DNM3: variants seen among roughly 807,000 people sequenced by gnomAD.
The protein encoded by DNM3 is dynamin 3, also known as dynamin-3.
DNM3 carries 47 observed loss-of-function variants against 101.6 expected under a neutral mutation model. That is an observed-to-expected ratio of 0.46 (90% CI 0.37 to 0.59). DNM3 has a LOEUF of 0.59. DNM3 is among the 20% of genes least tolerant of loss of function. DNM3 has a pLI of 0.00. For synonymous variants in DNM3, 385 were observed against 387.9 expected (o/e 0.99, Z 0.09); for missense variants, 849 against 1,085.7 (o/e 0.78, Z 3.06).
rs546016361 is a variant in DNM3 at position 172,190,799 on chromosome 1, T to C, written c.1659+59511T>C. Among the ~76,000 whole-genome samples the C allele has an allele frequency of 2.4e-4, 36 of 152,258 alleles. No individual in the cohort carries two copies. The South Asian group carries it at 5.0e-3, about 21-fold the overall frequency. ...GAGCATTTTTTCATGTGTCTGTTGG[T>C]GGCACAAATGTCTTCTTTTGAGAAG... is the stretch of plus-strand genomic sequence containing the variant. On this transcript the variant is annotated intron_variant, in intron 14 of 20. Transcript: ENST00000627582.
At chr1:172,322,433 C>T (rs2065760768) in intron 16 of DNM3, among the ~76,000 whole-genome samples, 1 of 152,174 alleles carries the variant, frequency 6.6e-6, no homozygotes, top group South Asian at 2.1e-4. Context: ...ACTTGGGCTG[C>T]CCCGGGAGTA....
rs563878753 is a variant in DNM3, at chr1:172,312,591, G to T, written c.1881+3752G>T. Among the ~76,000 whole-genome samples, 10 of 152,122 alleles carry T rather than the reference G, an allele frequency of 6.6e-5. No homozygotes were observed. In the East Asian group the frequency reaches 1.9e-3, roughly 29 times the overall value. On this transcript the variant is annotated intron_variant, in intron 16 of 20. Transcript: ENST00000627582. ...TCATATCAAAATCTTCTGCTCCCCTGTTTCTTTTGTCTCTTAAGTTATTTA... is the reference window on the plus strand; with the variant it reads ...TCATATCAAAATCTTCTGCTCCCCTTTTTCTTTTGTCTCTTAAGTTATTTA...
At chr1:172,258,569 G>C (rs1007203225) in intron 15 of DNM3, among the ~76,000 whole-genome samples, 1 of 151,912 alleles carries the variant, frequency 6.6e-6, no homozygotes, top group African/African-American at 2.4e-5. Flanking sequence ...TTCATAATAA[G>C]CTCTGATGTT....
intron 13 of DNM3, among the ~76,000 whole-genome samples, chr1:172,107,285 T>G (rs1481680263): frequency 6.6e-6 from 1 of 152,198 alleles, no homozygotes; most frequent in African/African-American, 2.4e-5. Flanking sequence ...ATATCTCAAT[T>G]TGCTAAATAA....
At position 172,036,408 on chromosome 1, in the gene DNM3, C is replaced by A. The variant is rs187521904; in HGVS notation, c.850-1911C>A. On this transcript the variant is annotated intron_variant, in intron 6 of 20. Coordinates refer to ENST00000627582, the MANE Select transcript of DNM3 (RefSeq NM_015569.5). ...GACTTCAAACTATACTACAAGGCTA[C>A]AGTAACCAAAACAGCATGGTACTGG... is the stretch of plus-strand genomic sequence containing the variant. Among the ~76,000 whole-genome samples the A allele has an allele frequency of 3.6e-3, 546 of 151,942 alleles. 8 individuals carry two copies. Among genetic ancestry groups the A allele is most frequent in the African/African-American group, 0.013 (530 of 41,416 alleles).
chr1:172,029,756 C>A (rs1333222265), intron 4 of DNM3, among the ~76,000 whole-genome samples: 2 of 152,082 alleles, frequency 1.3e-5, no homozygotes, highest in African/African-American at 4.8e-5. Flanking sequence ...TTCCTATACA[C>A]CAATAAGAGA....
At chr1:172,283,282 C>G (rs972102143) in intron 15 of DNM3, among the ~76,000 whole-genome samples, 1 of 152,148 alleles carries the variant, frequency 6.6e-6, no homozygotes, top group African/African-American at 2.4e-5. Flanking sequence ...GAGGCTTTCT[C>G]CAGCTCCTTC....
chr1:172,149,603 G>A (rs748712623), intron 14 of DNM3, among the ~76,000 whole-genome samples: 5 of 152,072 alleles, frequency 3.3e-5, no homozygotes, highest in Non-Finnish European at 7.4e-5. Context: ...ATGAGCTCCC[G>A]TTGAATTCCA....
chr1:172,033,434 G>A lies in DNM3; in HGVS notation c.849+169G>A, dbSNP rs151258317. ...AGTACCTCAGATTCACACTATTACCGTTCTCAGTGAATAGAACTCACCTTC... is the reference window on the plus strand; with the variant it reads ...AGTACCTCAGATTCACACTATTACCATTCTCAGTGAATAGAACTCACCTTC... On this transcript the variant is annotated intron_variant, in intron 6 of 20. Coordinates refer to ENST00000627582, the MANE Select transcript of DNM3 (RefSeq NM_015569.5). 2.9e-3 allele frequency among the ~76,000 whole-genome samples: 446 copies of A among 152,044 alleles called. 3 individuals are homozygous for A. The highest frequency in any genetic ancestry group is 9.7e-3 in the African/African-American group (402 of 41,478).
intron 17 of DNM3, among the ~76,000 whole-genome samples, chr1:172,378,779 T>C (rs949592526): frequency 2.0e-5 from 3 of 152,044 alleles, no homozygotes; most frequent in African/African-American, 7.2e-5. Flanking sequence ...TCAACCTTCA[T>C]TCAGAATTAG....
At chr1:172,043,668 A>G (rs1023790956) in intron 8 of DNM3, among the ~76,000 whole-genome samples, 1 of 152,096 alleles carries the variant, frequency 6.6e-6, no homozygotes, top group African/African-American at 2.4e-5. Context: ...CTATGAAGCC[A>G]TCAGTTATGG....
chr1:172,202,090 C>A (rs2060175134), intron 14 of DNM3, among the ~76,000 whole-genome samples: 2 of 152,074 alleles, frequency 1.3e-5, no homozygotes, highest in African/African-American at 2.4e-5. Context: ...AATGTGAGTA[C>A]CTGGATGTTT....
intron 2 of DNM3, among the ~76,000 whole-genome samples, chr1:171,983,895 T>A (rs778731826): frequency 2.6e-5 from 4 of 152,052 alleles, no homozygotes; most frequent in Non-Finnish European, 5.9e-5. Flanking sequence ...CTTGGATGGG[T>A]GTGTCATGGC....
chr1:171,965,331 C>A (rs187223289), intron 2 of DNM3, among the ~76,000 whole-genome samples: 1 of 151,294 alleles, frequency 6.6e-6, no homozygotes, highest in Non-Finnish European at 1.5e-5. Context: ...TTGCTTGAGG[C>A]CAAGAGTTTG....
intron 1 of DNM3, among the ~76,000 whole-genome samples, chr1:171,885,472 T>A (rs1342731386): frequency 6.6e-6 from 1 of 152,200 alleles, no homozygotes; most frequent in Non-Finnish European, 1.5e-5. Flanking sequence ...GGGCCCCATA[T>A]TCTCAGAGTC....
Position 172,237,095 on chromosome 1 carries a change from G to A in DNM3, c.1660-16478G>A, listed in dbSNP as rs187086762. Reference sequence around the variant, plus strand: ...TTAAAGGAAGCAGATAATTTGCAGCGAAATTAAACATAGGTTCAATTACAT... The same window carrying A: ...TTAAAGGAAGCAGATAATTTGCAGCAAAATTAAACATAGGTTCAATTACAT... On this transcript the variant is annotated intron_variant, in intron 14 of 20. Transcript: ENST00000627582. Among the ~76,000 whole-genome samples, 676 of 152,180 alleles carry A rather than the reference G, an allele frequency of 4.4e-3. 2 individuals are homozygous for A. The highest frequency in any genetic ancestry group is 0.015 in the African/African-American group (634 of 41,522).
intron 17 of DNM3, among the ~76,000 whole-genome samples, chr1:172,328,445 T>TA (rs1319137492): frequency 1.3e-5 from 2 of 152,110 alleles, no homozygotes; most frequent in African/African-American, 2.4e-5. Context: ...TATGCAGCCA[T>TA]AAAAAAGAAT....
chr1:172,281,068 T>A (rs889034727), intron 15 of DNM3, among the ~76,000 whole-genome samples: 4 of 94,634 alleles, frequency 4.2e-5, no homozygotes, highest in African/African-American at 1.4e-4. Flanking sequence ...GTGATAATAT[T>A]GTGTGTGTGT....
intron 14 of DNM3, among the ~76,000 whole-genome samples, chr1:172,164,236 T>TC (rs1472686452): frequency 2.7e-5 from 4 of 148,524 alleles, no homozygotes; most frequent in South Asian, 2.1e-4. Flanking sequence ...TCTTTTCTTT[T>TC]TTTTTTTTTT....
Sources: gnomAD v4.1 joint callset for allele counts (sites outside exome capture counted in the v4.1 genomes callset) on GRCh38, gnomAD v4.1.1 for gene constraint, MANE v1.5 for transcripts, NCBI Gene and HGNC (gene_info 2026-07-23, HGNC 2026-07-21) for gene names.